Variants in ASCC3 observed in about 807,000 individuals in gnomAD.
ASCC3 encodes activating signal cointegrator 1 complex subunit 3.
In ASCC3, 158 loss-of-function variants were observed where a neutral mutation model predicts 256.3. The ratio of observed to expected loss-of-function variants is 0.62; its 90% CI spans 0.54 to 0.70. The LOEUF (loss-of-function observed/expected upper bound fraction) is 0.70, where lower values mean the gene tolerates loss of function less well. Among genes scored for constraint, ASCC3 ranks in the 30% least tolerant of loss-of-function variants. The probability of loss-of-function intolerance (pLI) is 0.00; values close to 1 mark genes in which losing one functional copy is unlikely to be tolerated. For synonymous variants in ASCC3, 948 were observed against 883.4 expected (o/e 1.07, Z -1.30); for missense variants, 2,259 against 2,626.0 (o/e 0.86, Z 3.05).
At chr6:100,524,457 A>G (rs1187422842) in intron 37 of ASCC3, among the ~76,000 whole-genome samples, 1 of 152,156 alleles carries the variant, frequency 6.6e-6, no homozygotes, top group Non-Finnish European at 1.5e-5. Flanking sequence ...AATAATCCAA[A>G]AGTAAAATAG....
intron 4 of ASCC3, among the ~76,000 whole-genome samples, chr6:100,822,889 T>C (rs1771121646): frequency 6.6e-6 from 1 of 152,202 alleles, no homozygotes; most frequent in South Asian, 2.1e-4. Flanking sequence ...CAAAATGCAA[T>C]GTTCATACAT....
At chr6:100,588,837 T>C (rs997229) in intron 36 of ASCC3, among the ~76,000 whole-genome samples, 52,191 of 151,944 alleles carry the variant, frequency 0.34, 10,564 homozygotes, top group Middle Eastern at 0.51. Flanking sequence ...TGAACTACCA[T>C]AGAGTCAATG....
At chr6:100,601,292 T>G (rs1230295509) in intron 34 of ASCC3, among the ~76,000 whole-genome samples, 1 of 152,126 alleles carries the variant, frequency 6.6e-6, no homozygotes, top group Non-Finnish European at 1.5e-5. Flanking sequence ...AGTCATGTAC[T>G]CATTTTTACA....
chr6:100,730,237 C>T lies in ASCC3; in HGVS notation c.1738-4534G>A, dbSNP rs147857654. Among the ~76,000 whole-genome samples the T allele has an allele frequency of 4.5e-4, 69 of 152,020 alleles. 2 individuals carry two copies. The highest frequency in any genetic ancestry group is 1.5e-3 in the African/African-American group (62 of 41,462). On this transcript the variant is annotated intron_variant, in intron 10 of 41. Coordinates refer to ENST00000369162, the MANE Select transcript of ASCC3 (RefSeq NM_006828.4). ...GCTTGAGCCCAGGAGTTCCAGGCTG[C>T]GCTGAGCTGTGATCATGCCACTGCA...
intron 13 of ASCC3, among the ~76,000 whole-genome samples, chr6:100,708,091 T>C (rs1340207018): frequency 6.6e-6 from 1 of 152,164 alleles, no homozygotes; most frequent in African/African-American, 2.4e-5. Flanking sequence ...CAAAATATGA[T>C]ACAAAATGAC....
intron 36 of ASCC3, among the ~76,000 whole-genome samples, chr6:100,572,208 T>C (rs1770627767): frequency 6.6e-6 from 1 of 152,056 alleles, no homozygotes; most frequent in African/African-American, 2.4e-5. Context: ...AAAGCAGAAC[T>C]CTCATGAATG....
chr6:100,678,817 A>T (rs1037352919), intron 14 of ASCC3, among the ~76,000 whole-genome samples: 9 of 152,184 alleles, frequency 5.9e-5, no homozygotes, highest in African/African-American at 2.2e-4. Flanking sequence ...AGTAGTGCAA[A>T]AAAAGTCACA....
chr6:100,869,543 C>T (rs1582991132), intron 1 of ASCC3, among the ~76,000 whole-genome samples: 1 of 152,124 alleles, frequency 6.6e-6, no homozygotes, highest in East Asian at 1.9e-4. Context: ...AATTTTAAAA[C>T]AATCAACAGA....
At chr6:100,513,894 C>G (rs529522163) in intron 39 of ASCC3, among the ~76,000 whole-genome samples, 75 of 151,090 alleles carry the variant, frequency 5.0e-4, no homozygotes, top group African/African-American at 1.8e-3. Context: ...GTCAAGAAAA[C>G]TTCTCAATAC....
At chr6:100,731,702 T>C (rs17794649) in intron 10 of ASCC3, among the ~76,000 whole-genome samples, 5,654 of 152,296 alleles carry the variant, frequency 0.037, 207 homozygotes, top group Admixed American at 0.11. Flanking sequence ...TATTGTAAAG[T>C]TGTGTTTTTC....
chr6:100,563,571 A>G (rs1770066794), intron 36 of ASCC3, among the ~76,000 whole-genome samples: 1 of 152,112 alleles, frequency 6.6e-6, no homozygotes. Flanking sequence ...GGAAGGAGGC[A>G]TTCCTCGCAC....
intron 24 of ASCC3, among the ~76,000 whole-genome samples, chr6:100,641,050 A>G (rs529966647): frequency 6.6e-6 from 1 of 152,324 alleles, no homozygotes; most frequent in South Asian, 2.1e-4. Context: ...TCTGAAAAAG[A>G]AGAAATAAAC....
At position 100,800,636 on chromosome 6, in the gene ASCC3, C is replaced by G. The variant is rs1769869983; in HGVS notation, c.923-132G>C. ...ATTCATTTTTTAAAGCTGGCAAATT[C>G]AATTATATGTTTTAAGGTGAGTTTT... On this transcript the variant is annotated intron_variant, in intron 5 of 41. Transcript: ENST00000369162. The G allele has an allele frequency of 1.3e-5, 9 of 711,940 alleles. No individual in the cohort carries two copies. In the Admixed American group the frequency reaches 2.1e-4, roughly 17 times the overall value. The allele number at this position is 711,940 out of a possible 1,614,324, so 44.1% of individuals were successfully genotyped here.
At chr6:100,628,062 G>C in intron 27 of ASCC3, 75 bp from the exon 28 acceptor site, 1 of 1,402,772 alleles carries the variant, frequency 7.1e-7, no homozygotes, top group South Asian at 1.2e-5. Context: ...ACAAAAGGAA[G>C]AGTTTGTAGC....
At chr6:100,609,174 C>G (rs909279509) in intron 30 of ASCC3, among the ~76,000 whole-genome samples, 5 of 151,860 alleles carry the variant, frequency 3.3e-5, no homozygotes, top group Admixed American at 2.6e-4. Flanking sequence ...GCTTAGAAAA[C>G]TTTTCCTAAA....
chr6:100,595,499 T>C (rs1772245802), intron 34 of ASCC3, among the ~76,000 whole-genome samples: 1 of 152,300 alleles, frequency 6.6e-6, no homozygotes, highest in South Asian at 2.1e-4. Context: ...TTTATCTAGA[T>C]GTGAAGGTTT....
At position 100,573,669 on chromosome 6, in the gene ASCC3, T is replaced by A. The variant is rs574759008; in HGVS notation, c.5550+15965A>T. ...TTTATTTCTCCAACATGATTGCTTG[T>A]GTAATGACAATTCTACGTAGTTATT... On this transcript the variant is annotated intron_variant, in intron 36 of 41. Coordinates refer to ENST00000369162, the MANE Select transcript of ASCC3 (RefSeq NM_006828.4). 4.6e-5 allele frequency among the ~76,000 whole-genome samples: 7 copies of A among 152,218 alleles called. No homozygotes were observed. The East Asian group carries it at 1.3e-3, about 29-fold the overall frequency.
intron 24 of ASCC3, among the ~76,000 whole-genome samples, chr6:100,639,460 C>T (rs764209171): frequency 6.6e-6 from 1 of 151,992 alleles, no homozygotes; most frequent in Admixed American, 6.6e-5. Flanking sequence ...AGTTATACAC[C>T]CTTGAATTCA....
rs1772474085 is a variant in ASCC3, at chr6:100,848,145, T to C, written c.801+3A>G. The C allele has an allele frequency of 6.3e-7, 1 of 1,580,614 alleles. No homozygotes were observed. Among genetic ancestry groups the C allele is most frequent in the African/African-American group, 1.4e-5 (1 of 73,072 alleles). On this transcript the variant is annotated splice_donor_region_variant and intron_variant, in intron 4 of 41. Transcript: ENST00000369162. ...ATAAAAAAATAAATCATTTCAACTA[T>C]ACCTCATCCTGAAGTTCATCACCAC... is the stretch of plus-strand genomic sequence containing the variant.
Sources: gnomAD v4.1 joint callset for allele counts (sites outside exome capture counted in the v4.1 genomes callset) on GRCh38, gnomAD v4.1.1 for gene constraint, MANE v1.5 for transcripts, NCBI Gene and HGNC (gene_info 2026-07-23, HGNC 2026-07-21) for gene names.